Variants in DNAI7 observed in about 807,000 individuals in gnomAD.
The protein encoded by DNAI7 is cancer susceptibility 1.
In DNAI7, 78 loss-of-function variants were observed where a neutral mutation model predicts 86.6. The observed-to-expected ratio is 0.90, with a 90% confidence interval of 0.75 to 1.09. DNAI7 has a LOEUF of 1.09. Among genes scored for constraint, DNAI7 ranks in the 50% least tolerant of loss-of-function variants. The pLI is 0.00. For synonymous variants in DNAI7, 274 were observed against 273.0 expected (o/e 1.00, Z -0.04); for missense variants, 753 against 810.2 (o/e 0.93, Z 0.86).
At chr12:25,142,535 T>C (rs539270268) in intron 9 of DNAI7, among the ~76,000 whole-genome samples, 1 of 71,656 alleles carries the variant, frequency 1.4e-5, no homozygotes, top group East Asian at 9.6e-3. Flanking sequence ...AACAGAACTA[T>C]AATTAATTAT....
Position 25,157,277 on chromosome 12 carries a change from C to CAAAA in DNAI7, c.198+1191_198+1194dup, listed in dbSNP as rs34695125. Among the ~76,000 whole-genome samples the CAAAA allele has an allele frequency of 3.0e-3, 269 of 88,956 alleles. 2 individuals are homozygous for CAAAA. Among genetic ancestry groups the CAAAA allele is most frequent in the African/African-American group, 0.011 (236 of 21,776 alleles). 58.4% of individuals were successfully genotyped at this position (88,956 alleles called of 152,430 possible). On this transcript the variant is annotated intron_variant, in intron 4 of 15. Coordinates refer to ENST00000395987, the MANE Select transcript of DNAI7 (RefSeq NM_018272.5). ...TGGGCGACAGAGAGAGACTCCGTCT[C>CAAAA]AAAAAAAAAAAAAAAAAAAAAGTTT...
At chr12:25,134,422 T>C (rs1046295000) in intron 9 of DNAI7, among the ~76,000 whole-genome samples, 1 of 123,646 alleles carries the variant, frequency 8.1e-6, no homozygotes, top group African/African-American at 3.1e-5. Context: ...AGCGGCACAA[T>C]CTCGGCTCAT....
At chr12:25,176,303 TA>T (rs1466403585) in intron 2 of DNAI7, among the ~76,000 whole-genome samples, 6 of 152,074 alleles carry the variant, frequency 3.9e-5, no homozygotes, top group African/African-American at 1.4e-4. Flanking sequence ...AAATTTAAAT[TA>T]AAAAATTTAT....
chr12:25,157,992 G>A (rs1173212646), intron 4 of DNAI7, among the ~76,000 whole-genome samples: 1 of 152,140 alleles, frequency 6.6e-6, no homozygotes, highest in African/African-American at 2.4e-5. Context: ...CCCTTTGGGA[G>A]GCTGAGGGGG....
chr12:25,121,136 C>T (rs1478804440), intron 11 of DNAI7, among the ~76,000 whole-genome samples: 1 of 152,168 alleles, frequency 6.6e-6, no homozygotes, highest in African/African-American at 2.4e-5. Flanking sequence ...GTTTCGGATT[C>T]AGTAAGTTTG....
chr12:25,187,135 T>C (rs1171863702), intron 2 of DNAI7, among the ~76,000 whole-genome samples: 1 of 152,204 alleles, frequency 6.6e-6, no homozygotes, highest in Non-Finnish European at 1.5e-5. Flanking sequence ...ATGGCTTACT[T>C]GGCCATGAAC....
At chr12:25,158,346 G>C in intron 4 of DNAI7, 126 bp downstream of exon 4, 5 of 677,458 alleles carry the variant, frequency 7.4e-6, no homozygotes, top group Non-Finnish European at 1.2e-5. Flanking sequence ...TTATTCTATG[G>C]TACGATTAAG....
chr12:25,108,334 C>CATAGAGTGA lies in DNAI7; in HGVS notation c.*205_*213dup, dbSNP rs1422687659. 1 of 540,408 alleles carries CATAGAGTGA rather than the reference C, an allele frequency of 1.9e-6. No individual in the cohort carries two copies. Among genetic ancestry groups the CATAGAGTGA allele is most frequent in the African/African-American group, 1.9e-5 (1 of 52,192 alleles). The allele number at this position is 540,408 out of a possible 1,614,324, so 33.5% of individuals were successfully genotyped here. A position where few individuals can be genotyped will look rare whatever the true frequency, so the allele number is the denominator to read the frequency against. ...TGAAATAAAGAATCATTTAAATCTT[C>CATAGAGTGA]ATAGAGTGAAAGCTGAAATTCTTAA... On this transcript the variant is annotated 3_prime_UTR_variant, in exon 16 of 16. Transcript: ENST00000395987.
At position 25,147,097 on chromosome 12, in the gene DNAI7, C is replaced by G. The variant is rs1944945558; in HGVS notation, c.593G>C (p.Ser198Thr). The G allele has an allele frequency of 4.5e-6, 7 of 1,563,818 alleles. No individual in the cohort carries two copies. The East Asian group carries it at 1.6e-4, about 35-fold the overall frequency. Residue 198 changes from serine (S) to threonine (T), a missense_variant, in exon 8 of 16, where the codon AGT becomes ACT. Physicochemically the swap from Ser to Thr is moderately conservative, Grantham distance 58. Transcript: ENST00000395987. ...VATEILLKQA[S>T]TLADLDSGNM... ...TCCACTGTCCAGATCTGCCAAAGTA[C>G]TAGCTTGCTGTAAGAGAAAAAGAAA...
intron 2 of DNAI7, among the ~76,000 whole-genome samples, chr12:25,186,857 C>T (rs1183319243): frequency 1.3e-5 from 2 of 151,914 alleles, no homozygotes. Flanking sequence ...GATTGATTTC[C>T]ATAAGACTGT....
At chr12:25,109,749 G>A (rs1452894528) in intron 15 of DNAI7, among the ~76,000 whole-genome samples, 1 of 152,024 alleles carries the variant, frequency 6.6e-6, no homozygotes, top group Non-Finnish European at 1.5e-5. Context: ...CATGATTTTG[G>A]CTCACCACAA....
intron 2 of DNAI7, among the ~76,000 whole-genome samples, chr12:25,181,174 A>G (rs551701569): frequency 6.6e-6 from 1 of 152,210 alleles, no homozygotes; most frequent in Admixed American, 6.5e-5. Context: ...GCAGTGGTGC[A>G]ATCATAGCTT....
At position 25,108,525 on chromosome 12, in the gene DNAI7, A is replaced by C. The variant is rs1949418647; in HGVS notation, c.*23T>G. 1.3e-6 allele frequency: 2 copies of C among 1,597,960 alleles called. No homozygotes were observed. The highest frequency in any genetic ancestry group is 4.5e-5 in the East Asian group (2 of 44,634). ...TCACCATGCTTGGTTCTTCATACTTACAATACAGTTTGTAAGTGGAGGTTA... is the reference window on the plus strand; with the variant it reads ...TCACCATGCTTGGTTCTTCATACTTCCAATACAGTTTGTAAGTGGAGGTTA... On this transcript the variant is annotated 3_prime_UTR_variant, in exon 16 of 16. Transcript: ENST00000395987.
chr12:25,146,906 C>A, intron 8 of DNAI7, 95 bp downstream of exon 8: 1 of 687,262 alleles, frequency 1.5e-6, no homozygotes, highest in Non-Finnish European at 2.6e-6. Context: ...TCCAAACACA[C>A]CATGCTGCTA....
intron 2 of DNAI7, among the ~76,000 whole-genome samples, chr12:25,174,626 G>GATATATATATGAT (rs1181598423): frequency 1.3e-5 from 1 of 74,446 alleles, no homozygotes; most frequent in African/African-American, 6.3e-5. Context: ...ATATATATGG[G>GATATATATATGAT]ATATATATCA....
chr12:25,136,580 A>G (rs1452501177), intron 9 of DNAI7, among the ~76,000 whole-genome samples: 1 of 152,224 alleles, frequency 6.6e-6, no homozygotes, highest in Non-Finnish European at 1.5e-5. Context: ...ATTGCCACAA[A>G]AAGAATTCAG....
intron 9 of DNAI7, among the ~76,000 whole-genome samples, chr12:25,140,636 C>T (rs371173412): frequency 6.6e-6 from 1 of 151,836 alleles, no homozygotes; most frequent in East Asian, 1.9e-4. Context: ...ACCATACTGC[C>T]AAAAGCAATC....
At chr12:25,141,472 C>T (rs1251577880) in intron 9 of DNAI7, among the ~76,000 whole-genome samples, 2 of 152,148 alleles carry the variant, frequency 1.3e-5, no homozygotes, top group East Asian at 3.8e-4. Flanking sequence ...AAATGCTCAA[C>T]ATTACTAATT....
chr12:25,150,294 C>A (rs1258607783), intron 6 of DNAI7, among the ~76,000 whole-genome samples: 1 of 152,154 alleles, frequency 6.6e-6, no homozygotes, highest in Non-Finnish European at 1.5e-5. Context: ...ACCATGTGAT[C>A]AAATTCGCAT....
Sources: gnomAD v4.1 joint callset for allele counts (sites outside exome capture counted in the v4.1 genomes callset) on GRCh38, gnomAD v4.1.1 for gene constraint, MANE v1.5 for transcripts, NCBI Gene and HGNC (gene_info 2026-07-23, HGNC 2026-07-21) for gene names.